The following COL22A1 variants were observed in gnomAD, a reference collection of about 807,000 sequenced individuals.
The protein encoded by COL22A1 is collagen alpha-1(XXII) chain.
A neutral mutation model predicts 248.9 loss-of-function variants in COL22A1; 221 were observed. The observed-to-expected ratio is 0.89, with a 90% CI of 0.80 to 0.99. COL22A1 has a LOEUF of 0.99. Among genes scored for constraint, COL22A1 ranks in the 50% least tolerant of loss-of-function variants. The pLI is 0.00. For synonymous variants in COL22A1, 891 were observed against 793.4 expected, an observed-to-expected ratio of 1.12 and a Z score of -2.07; for missense variants, 2,240 against 2,179.0, an observed-to-expected ratio of 1.03 and a Z score of -0.56.
In COL22A1 at chr8:138,589,152, AG is replaced by A; in HGVS notation, c.*100del. On this transcript the variant is annotated 3_prime_UTR_variant, in exon 65 of 65. Transcript: ENST00000303045. ...AAACGATAAAAGAAAGAAAAAAAAA[AG>A]GAACACATGGCTGAAGTCTTTCAAG... 9.3e-7 allele frequency: 1 copy of A among 1,071,052 alleles called. No homozygotes were observed. The highest frequency in any genetic ancestry group is 1.3e-6 in the Non-Finnish European group (1 of 745,450). The allele number at this position is 1,071,052 out of a possible 1,614,324, so 66.3% of individuals were successfully genotyped here.
intron 3 of COL22A1, among the ~76,000 whole-genome samples, chr8:138,864,759 T>A (rs1188689936): frequency 6.6e-6 from 1 of 152,128 alleles, no homozygotes; most frequent in Non-Finnish European, 1.5e-5. Flanking sequence ...GGCTCCACAT[T>A]CCAACCTCAT....
chr8:138,819,611 A>C (rs568718405), intron 7 of COL22A1, among the ~76,000 whole-genome samples: 1 of 148,230 alleles, frequency 6.7e-6, no homozygotes, highest in African/African-American at 2.4e-5. Flanking sequence ...ATATATTTAT[A>C]TATTATATAT....
chr8:138,689,856 T>A (rs1335071157), intron 36 of COL22A1, among the ~76,000 whole-genome samples: 1 of 152,190 alleles, frequency 6.6e-6, no homozygotes, highest in African/African-American at 2.4e-5. Flanking sequence ...TGAGAACAAG[T>A]GATCTGAGCT....
intron 4 of COL22A1, among the ~76,000 whole-genome samples, chr8:138,840,597 AT>A (rs1820810738): frequency 6.6e-6 from 1 of 151,828 alleles, no homozygotes; most frequent in African/African-American, 2.4e-5. Context: ...AGTTATTATT[AT>A]TATTATTAAG....
intron 15 of COL22A1, among the ~76,000 whole-genome samples, chr8:138,777,293 C>T (rs1391046432): frequency 6.6e-6 from 1 of 152,204 alleles, no homozygotes; most frequent in Non-Finnish European, 1.5e-5. Flanking sequence ...TCCTAAAGAG[C>T]AGAGCATCTG....
In COL22A1 at chr8:138,649,245, G is replaced by A. The variant is rs999055331; in HGVS notation, c.3447+420C>T. 4.6e-5 allele frequency among the ~76,000 whole-genome samples: 7 copies of A among 152,116 alleles called. No homozygotes were observed. The East Asian group carries it at 5.8e-4, about 13-fold the overall frequency. ...ACATGTAATGGGGTGTCATAAACAG[G>A]TAATGACAAGGGATTGAATGCATGC... On this transcript the variant is annotated intron_variant, in intron 46 of 64. Transcript: ENST00000303045.
intron 18 of COL22A1, among the ~76,000 whole-genome samples, chr8:138,759,895 A>G (rs1014293741): frequency 1.3e-5 from 2 of 152,058 alleles, no homozygotes; most frequent in African/African-American, 4.8e-5. Flanking sequence ...ATTTTTTAAT[A>G]TTTATTTATA....
At chr8:138,672,772 C>G (rs1465825304) in intron 41 of COL22A1, among the ~76,000 whole-genome samples, 2 of 152,152 alleles carry the variant, frequency 1.3e-5, no homozygotes, top group East Asian at 3.9e-4. Flanking sequence ...TCCCAATTTC[C>G]TTGATGCTGC....
chr8:138,692,166 A>T (rs1587877308), intron 35 of COL22A1, among the ~76,000 whole-genome samples: 1 of 102,524 alleles, frequency 9.8e-6, no homozygotes, highest in Admixed American at 1.0e-4. Flanking sequence ...GTATGTGTGG[A>T]GGTGTGTGTG....
At chr8:138,790,903 C>T (rs1815976099) in intron 12 of COL22A1, among the ~76,000 whole-genome samples, 3 of 152,180 alleles carry the variant, frequency 2.0e-5, no homozygotes, top group Non-Finnish European at 4.4e-5. Context: ...TTCTCCAAAG[C>T]TCGCACCCCC....
At position 138,589,352 on chromosome 8, in the gene COL22A1, G is replaced by T. The variant is rs1249992894; in HGVS notation, c.4782C>A (p.Gly1594=). 2 of 1,611,350 alleles carry T rather than the reference G, an allele frequency of 1.2e-6. No homozygotes were observed. The highest frequency in any genetic ancestry group is 1.7e-6 in the Non-Finnish European group (2 of 1,178,696). Residue 1594 remains glycine (G), a synonymous_variant, in exon 65 of 65, where the codon GGC becomes GGA. Transcript: ENST00000303045. ...CTGGGGGACCGGGAGGTCCTGGGAGGCCAGGATGTCCAGCTGGTCCTGTCT... is the reference window on the plus strand; with the variant it reads ...CTGGGGGACCGGGAGGTCCTGGGAGTCCAGGATGTCCAGCTGGTCCTGTCT... ...QGETGPAGHP[G]LPGPPGPPGQ...
chr8:138,622,335 T>C (rs373282270), intron 52 of COL22A1, among the ~76,000 whole-genome samples: 32 of 152,308 alleles, frequency 2.1e-4, no homozygotes, highest in African/African-American at 6.5e-4. Flanking sequence ...CTGAAGCTCA[T>C]AGATGCTTTC....
At chr8:138,851,678 G>A (rs910616114) in intron 3 of COL22A1, among the ~76,000 whole-genome samples, 2 of 152,166 alleles carry the variant, frequency 1.3e-5, no homozygotes, top group African/African-American at 4.8e-5. Flanking sequence ...CGCAAGGGGA[G>A]CTCAGGGGCA....
At chr8:138,632,848 C>A (rs1820843420) in intron 49 of COL22A1, among the ~76,000 whole-genome samples, 1 of 152,070 alleles carries the variant, frequency 6.6e-6, no homozygotes, top group Admixed American at 6.6e-5. Context: ...TAGTCCAAAG[C>A]TAATATAACA....
intron 9 of COL22A1, among the ~76,000 whole-genome samples, chr8:138,809,516 T>TTC (rs1554633636): frequency 1.3e-5 from 1 of 78,782 alleles, no homozygotes; most frequent in African/African-American, 4.0e-5. Flanking sequence ...CTTCTTCTCT[T>TTC]TTTTTCTTTT....
At chr8:138,608,056 A>T in intron 56 of COL22A1, 67 bp from the exon 57 acceptor site, 1 of 1,462,956 alleles carries the variant, frequency 6.8e-7, no homozygotes, top group Non-Finnish European at 9.5e-7. Flanking sequence ...GAACAAAGAG[A>T]TAGACTGATG....
chr8:138,779,644 C>T, intron 13 of COL22A1, 82 bp from the exon 14 acceptor site: 1 of 915,356 alleles, frequency 1.1e-6, no homozygotes, highest in South Asian at 1.3e-5. Flanking sequence ...TCTCCCAGGG[C>T]CTCTGCTTCC....
Position 138,879,690 on chromosome 8 carries a change from CAAAAAAAAAA to C in COL22A1, c.92-1384_92-1375del, listed in dbSNP as rs372214665. On this transcript the variant is annotated intron_variant, in intron 2 of 64. Coordinates refer to ENST00000303045, the MANE Select transcript of COL22A1 (RefSeq NM_152888.3). ...TGGGTGACAGAGTGAGACACTCTCT[CAAAAAAAAAA>C]AAAAAAAAAAAAAAGAAGAAGAAGA... Among the ~76,000 whole-genome samples, 639 of 99,058 alleles carry C rather than the reference CAAAAAAAAAA, an allele frequency of 6.5e-3. 8 individuals carry two copies. Among genetic ancestry groups the C allele is most frequent in the African/African-American group, 0.027 (618 of 22,508 alleles). The allele number at this position is 99,058 out of a possible 152,430, so 65.0% of individuals were successfully genotyped here. A position where few individuals can be genotyped will look rare whatever the true frequency, so the allele number is the denominator to read the frequency against.
At chr8:138,642,962 G>T (rs964273086) in intron 47 of COL22A1, among the ~76,000 whole-genome samples, 1 of 151,790 alleles carries the variant, frequency 6.6e-6, no homozygotes, top group African/African-American at 2.4e-5. Flanking sequence ...CTGGGAGGTG[G>T]AAGTTGCAGT....
Sources: allele counts gnomAD v4.1 joint callset (sites outside exome capture counted in the v4.1 genomes callset), GRCh38; gene constraint gnomAD v4.1.1; transcripts MANE v1.5; gene names NCBI Gene and HGNC (gene_info 2026-07-23, HGNC 2026-07-21).